Variants in MBOAT2 observed in about 807,000 individuals in gnomAD.
The protein encoded by MBOAT2 is membrane-bound glycerophospholipid O-acyltransferase 2.
In MBOAT2, 28 loss-of-function variants were observed where a neutral mutation model predicts 63.4. The ratio of observed to expected loss-of-function variants is 0.44; its 90% CI spans 0.33 to 0.61. The LOEUF is 0.61. MBOAT2 is among the 20% of genes least tolerant of loss of function. MBOAT2 has a pLI of 0.03. For missense variants in MBOAT2, 470 were observed against 605.8 expected (o/e 0.78, Z 2.35); for synonymous variants, 211 against 215.6 (o/e 0.98, Z 0.19).
At chr2:8,993,637 G>A (rs748154970) in intron 1 of MBOAT2, among the ~76,000 whole-genome samples, 1 of 152,232 alleles carries the variant, frequency 6.6e-6, no homozygotes, top group African/African-American at 2.4e-5. Context: ...CCACTAGACC[G>A]CATCCCTCAG....
intron 1 of MBOAT2, among the ~76,000 whole-genome samples, chr2:8,978,152 C>G (rs770003658): frequency 6.6e-6 from 1 of 152,110 alleles, no homozygotes; most frequent in Non-Finnish European, 1.5e-5. Context: ...ACCAAGGCCC[C>G]TTCCACCTCT....
chr2:8,876,039 A>G (rs1230843266), intron 7 of MBOAT2, among the ~76,000 whole-genome samples: 1 of 152,186 alleles, frequency 6.6e-6, no homozygotes, highest in Non-Finnish European at 1.5e-5. Context: ...ACATTCACAG[A>G]AAACACACCA....
In MBOAT2 at chr2:8,989,016, T is replaced by C. The variant is rs536501186; in HGVS notation, c.75+14524A>G. Reference sequence around the variant, plus strand: ...GATAGTTCCTATTGTTTTGAATCTATGGAGGGAAACAAATGTTTGCAGAAA... The same window carrying C: ...GATAGTTCCTATTGTTTTGAATCTACGGAGGGAAACAAATGTTTGCAGAAA... On this transcript the variant is annotated intron_variant, in intron 1 of 12. Coordinates refer to ENST00000305997, the MANE Select transcript of MBOAT2 (RefSeq NM_138799.4). 3.9e-5 allele frequency among the ~76,000 whole-genome samples: 6 copies of C among 152,354 alleles called. No homozygotes were observed. The East Asian group carries it at 1.2e-3, about 29-fold the overall frequency.
At chr2:8,910,355 G>T (rs1299533584) in intron 3 of MBOAT2, among the ~76,000 whole-genome samples, 1 of 152,114 alleles carries the variant, frequency 6.6e-6, no homozygotes, top group Non-Finnish European at 1.5e-5. Context: ...GCACCAAGTG[G>T]TTAGACATGT....
rs1261304916 is a variant in MBOAT2 at position 8,972,520 on chromosome 2, G to T, written c.76-13878C>A. ...AACAAAAGCCAAAATTGACAAATGG[G>T]ATCTAAATAAACTAAAGAGCTTCTG... On this transcript the variant is annotated intron_variant, in intron 1 of 12. Coordinates refer to ENST00000305997, the MANE Select transcript of MBOAT2 (RefSeq NM_138799.4). Among the ~76,000 whole-genome samples the T allele has an allele frequency of 2.6e-5, 4 of 152,256 alleles. No individual in the cohort carries two copies. The East Asian group carries it at 5.8e-4, about 22-fold the overall frequency.
intron 4 of MBOAT2, among the ~76,000 whole-genome samples, chr2:8,897,349 C>G (rs1468103043): frequency 6.6e-6 from 1 of 152,268 alleles, no homozygotes; most frequent in East Asian, 1.9e-4. Flanking sequence ...CTTTGGATGG[C>G]TTCAGCAGTG....
intron 1 of MBOAT2, among the ~76,000 whole-genome samples, chr2:8,972,951 G>A (rs1422497921): frequency 1.3e-5 from 2 of 152,212 alleles, no homozygotes; most frequent in African/African-American, 4.8e-5. Flanking sequence ...CATTGTGGAA[G>A]ACAATGTGAC....
chr2:8,989,198 A>T (rs1412802987), intron 1 of MBOAT2, among the ~76,000 whole-genome samples: 1 of 152,192 alleles, frequency 6.6e-6, no homozygotes, highest in East Asian at 1.9e-4. Context: ...ATTTCAGGTA[A>T]TCTTAGGTAA....
intron 1 of MBOAT2, among the ~76,000 whole-genome samples, chr2:8,978,412 T>C (rs902248265): frequency 2.0e-5 from 3 of 152,330 alleles, no homozygotes; most frequent in Admixed American, 6.5e-5. Context: ...TTTTTCATTA[T>C]ATAAAATGAT....
chr2:8,978,466 T>G lies in MBOAT2; in HGVS notation c.76-19824A>C, dbSNP rs1006727474. 1.4e-4 allele frequency among the ~76,000 whole-genome samples: 22 copies of G among 152,176 alleles called. 1 individual carries two copies. Among genetic ancestry groups the G allele is most frequent in the African/African-American group, 4.1e-4 (17 of 41,450 alleles). ...TATTTATTATATTTGCTAATAAAAT[T>G]TATCTGTTCACTCATTCATTCCTGC... On this transcript the variant is annotated intron_variant, in intron 1 of 12. Transcript: ENST00000305997.
intron 1 of MBOAT2, among the ~76,000 whole-genome samples, chr2:9,001,456 G>A (rs1461703191): frequency 6.6e-6 from 1 of 152,112 alleles, no homozygotes; most frequent in African/African-American, 2.4e-5. Context: ...AGCTTTACTA[G>A]GCAATAGGAA....
chr2:8,907,960 G>A (rs149101291), intron 4 of MBOAT2, among the ~76,000 whole-genome samples: 47 of 151,724 alleles, frequency 3.1e-4, no homozygotes, highest in African/African-American at 8.7e-4. Context: ...CATTACTTAC[G>A]CTGTCCAGAT....
At chr2:8,891,268 T>C (rs1479390442) in intron 4 of MBOAT2, among the ~76,000 whole-genome samples, 13 of 152,136 alleles carry the variant, frequency 8.5e-5, no homozygotes, top group Non-Finnish European at 1.3e-4. Context: ...CAGGAGTATG[T>C]TATGGATGAA....
At chr2:8,995,273 C>T (rs745936754) in intron 1 of MBOAT2, among the ~76,000 whole-genome samples, 4 of 152,224 alleles carry the variant, frequency 2.6e-5, no homozygotes, top group Non-Finnish European at 4.4e-5. Context: ...CAGGCTCTCT[C>T]ACAGAGTAGG....
At chr2:8,880,745 T>TC (rs372567554) in intron 6 of MBOAT2, among the ~76,000 whole-genome samples, 61 of 152,224 alleles carry the variant, frequency 4.0e-4, no homozygotes, top group African/African-American at 1.4e-3. Context: ...GAAGGGAGTG[T>TC]CCTGGAAGGA....
intron 1 of MBOAT2, among the ~76,000 whole-genome samples, chr2:8,975,150 C>T (rs1281006452): frequency 6.6e-6 from 1 of 152,138 alleles, no homozygotes; most frequent in African/African-American, 2.4e-5. Flanking sequence ...CATCCAAAAA[C>T]TGAATTATTT....
chr2:8,882,393 G>GCTTGATTTTCAGAAGTAAGTACCT, intron 6 of MBOAT2, 118 bp downstream of exon 6: 1 of 1,016,166 alleles, frequency 9.8e-7, no homozygotes, highest in Non-Finnish European at 1.5e-6. Flanking sequence ...AGAGAGTGAG[G>GCTTGATTTTCAGAAGTAAGTACCT]CTTGATTTTC....
chr2:8,894,114 C>T (rs780180936), intron 4 of MBOAT2, among the ~76,000 whole-genome samples: 20 of 152,104 alleles, frequency 1.3e-4, no homozygotes, highest in Non-Finnish European at 2.6e-4. Context: ...CCCCACCCGC[C>T]GACAGAACCC....
Position 8,955,640 on chromosome 2 carries a change from T to C in MBOAT2, c.221+2857A>G, listed in dbSNP as rs532917176. 3.9e-5 allele frequency among the ~76,000 whole-genome samples: 6 copies of C among 152,330 alleles called. No individual in the cohort carries two copies. The South Asian group carries it at 1.2e-3, about 32-fold the overall frequency. ...CTTGGACTGTAATTTTAATTCAGAA[T>C]TTAGAATATTACATAAACTTAGTTG... is the stretch of plus-strand genomic sequence containing the variant. On this transcript the variant is annotated intron_variant, in intron 2 of 12. Coordinates refer to ENST00000305997, the MANE Select transcript of MBOAT2 (RefSeq NM_138799.4).
Sources: allele counts gnomAD v4.1 joint callset (sites outside exome capture counted in the v4.1 genomes callset), GRCh38; gene constraint gnomAD v4.1.1; transcripts MANE v1.5; gene names NCBI Gene and HGNC (gene_info 2026-07-23, HGNC 2026-07-21).